RPRD1A: variants seen among roughly 807,000 people sequenced by gnomAD.
RPRD1A encodes the protein regulation of nuclear pre-mRNA domain-containing protein 1A.
In RPRD1A, 9 loss-of-function variants were observed where a neutral mutation model predicts 37.8. The ratio of observed to expected loss-of-function variants is 0.24; its 90% confidence interval spans 0.14 to 0.42. RPRD1A has a LOEUF of 0.42. Among genes scored for constraint, RPRD1A ranks in the 10% least tolerant of loss-of-function variants. The pLI, the probability that RPRD1A is intolerant of heterozygous loss-of-function variation, is 1.00. For synonymous variants in RPRD1A, 138 were observed against 139.7 expected (o/e 0.99, Z 0.08); for missense variants, 255 against 371.0 (o/e 0.69, Z 2.57).
intron 1 of RPRD1A, among the ~76,000 whole-genome samples, chr18:36,056,034 T>C (rs1242449135): frequency 6.6e-5 from 10 of 152,122 alleles, no homozygotes; most frequent in African/African-American, 2.4e-4. Context: ...TACTAGAATA[T>C]TTACTAACAA....
chr18:36,067,472 G>C lies in RPRD1A; in HGVS notation c.-68C>G. On this transcript the variant is annotated 5_prime_UTR_variant, in exon 1 of 7. Transcript: ENST00000399022. The stretch of plus-strand genomic sequence containing the variant: ...AGGGGAGGAGAGTTTCGCCGCCCTA[G>C]CTGCGGCCTCGCCCCCTCACCCCAC... 6.7e-7 allele frequency: 1 copy of C among 1,503,012 alleles called. No homozygotes were observed. The highest frequency in any genetic ancestry group is 1.2e-5 in the South Asian group (1 of 80,888). The allele number at this position is 1,503,012 out of a possible 1,614,324, so 93.1% of individuals were successfully genotyped here.
intron 1 of RPRD1A, among the ~76,000 whole-genome samples, chr18:36,054,672 G>C (rs762942190): frequency 1.3e-5 from 2 of 152,016 alleles, no homozygotes; most frequent in African/African-American, 2.4e-5. Context: ...CAAGTCCCAC[G>C]ATCTGCAGTT....
At chr18:36,005,359 A>T (rs904560073) in intron 6 of RPRD1A, among the ~76,000 whole-genome samples, 1 of 152,058 alleles carries the variant, frequency 6.6e-6, no homozygotes, top group African/African-American at 2.4e-5. Flanking sequence ...AAAAAAAGAA[A>T]ACATAATGAA....
In RPRD1A at chr18:36,047,763, C is replaced by A. The variant is rs1358402219; in HGVS notation, c.152-13926G>T. 2.0e-5 allele frequency among the ~76,000 whole-genome samples: 3 copies of A among 152,304 alleles called. No homozygotes were observed. The East Asian group carries it at 5.8e-4, about 29-fold the overall frequency. The stretch of plus-strand genomic sequence containing the variant: ...CTTCCTCAAATAATACAAGCTACCA[C>A]AACTCACTCAATATGAAACAGATAA... On this transcript the variant is annotated intron_variant, in intron 1 of 6. Coordinates refer to ENST00000399022, the MANE Select transcript of RPRD1A (RefSeq NM_018170.5).
At chr18:36,060,168 G>A (rs879303580) in intron 1 of RPRD1A, among the ~76,000 whole-genome samples, 5 of 151,978 alleles carry the variant, frequency 3.3e-5, no homozygotes, top group East Asian at 1.9e-4. Context: ...GTGGTGGCTC[G>A]CGCTTGTAAT....
At chr18:36,036,108 T>A (rs532977537) in intron 1 of RPRD1A, among the ~76,000 whole-genome samples, 1 of 152,158 alleles carries the variant, frequency 6.6e-6, no homozygotes. Context: ...TTTTTGTTTT[T>A]TTTGTTTGAG....
chr18:35,993,065 A>C lies in RPRD1A; in HGVS notation c.*86T>G. Reference sequence around the variant, plus strand: ...TTTTGTTAGTGTTTCTTTCTCAACAATATACAAAAATAACACTACAGGACT... The same window carrying C: ...TTTTGTTAGTGTTTCTTTCTCAACACTATACAAAAATAACACTACAGGACT... On this transcript the variant is annotated 3_prime_UTR_variant, in exon 7 of 7. Coordinates refer to ENST00000399022, the MANE Select transcript of RPRD1A (RefSeq NM_018170.5). 1 of 1,126,428 alleles carries C rather than the reference A, an allele frequency of 8.9e-7. No homozygotes were observed. Among genetic ancestry groups the C allele is most frequent in the Admixed American group, 2.8e-5 (1 of 35,300 alleles). The allele number at this position is 1,126,428 out of a possible 1,614,324, so 69.8% of individuals were successfully genotyped here.
intron 6 of RPRD1A, among the ~76,000 whole-genome samples, chr18:36,011,988 C>G (rs1159890066): frequency 6.6e-6 from 1 of 152,146 alleles, no homozygotes; most frequent in Admixed American, 6.5e-5. Flanking sequence ...ATAATTACAT[C>G]TTTTTGTCCA....
At chr18:36,020,311 G>A (rs80052171) in intron 6 of RPRD1A, among the ~76,000 whole-genome samples, 2,079 of 152,112 alleles carry the variant, frequency 0.014, 55 homozygotes, top group African/African-American at 0.047. Flanking sequence ...AAGAGTGTGC[G>A]CATCTAGGGA....
chr18:35,993,999 G>A (rs146718522), intron 6 of RPRD1A, among the ~76,000 whole-genome samples: 1 of 152,256 alleles, frequency 6.6e-6, no homozygotes, highest in East Asian at 1.9e-4. Context: ...CATGAGGAAG[G>A]TGGCTCCACA....
intron 6 of RPRD1A, among the ~76,000 whole-genome samples, chr18:36,021,331 TTTGGTATTTC>T (rs148446006): frequency 0.03 from 4,499 of 152,230 alleles, 213 homozygotes; most frequent in African/African-American, 0.1. Context: ...TCTGTCAAAT[TTTGGTATTTC>T]TTGTGCTATT....
At chr18:36,007,928 A>C (rs1412714798) in intron 6 of RPRD1A, among the ~76,000 whole-genome samples, 1 of 151,910 alleles carries the variant, frequency 6.6e-6, no homozygotes, top group Non-Finnish European at 1.5e-5. Context: ...ACAGAGTGAG[A>C]CTCCATCTCA....
rs116195091 is a variant in RPRD1A, at chr18:36,057,333, C to T, written c.151+9921G>A. On this transcript the variant is annotated intron_variant, in intron 1 of 6. Coordinates refer to ENST00000399022, the MANE Select transcript of RPRD1A (RefSeq NM_018170.5). ...ACACTAAACGTTTATCTAGCCCAGG[C>T]TCCATGGCTCATGCCTGTAATCCCA... Among the ~76,000 whole-genome samples, 1,478 of 151,612 alleles carry T rather than the reference C, an allele frequency of 9.7e-3. 25 individuals are homozygous for T. The highest frequency in any genetic ancestry group is 0.034 in the African/African-American group (1,403 of 41,316).
chr18:36,011,962 C>T (rs889578991), intron 6 of RPRD1A, among the ~76,000 whole-genome samples: 30 of 152,118 alleles, frequency 2.0e-4, no homozygotes, highest in Admixed American at 1.1e-3. Flanking sequence ...TTCTGAGTAG[C>T]GTAATTACAT....
chr18:36,014,066 C>A lies in RPRD1A; in HGVS notation c.789+12834G>T, dbSNP rs201580707. 9.2e-5 allele frequency among the ~76,000 whole-genome samples: 14 copies of A among 152,140 alleles called. No homozygotes were observed. The East Asian group carries it at 2.3e-3, about 25-fold the overall frequency. On this transcript the variant is annotated intron_variant, in intron 6 of 6. Coordinates refer to ENST00000399022, the MANE Select transcript of RPRD1A (RefSeq NM_018170.5). ...GTGTGAGTATATAAATATACACACACCTACATACACATACATATATAAAAG... is the reference window on the plus strand; with the variant it reads ...GTGTGAGTATATAAATATACACACAACTACATACACATACATATATAAAAG...
intron 6 of RPRD1A, among the ~76,000 whole-genome samples, chr18:36,010,272 A>G (rs1390937418): frequency 6.6e-6 from 1 of 151,988 alleles, no homozygotes; most frequent in Non-Finnish European, 1.5e-5. Context: ...AATTCAAGAC[A>G]GGCCTGGGCA....
chr18:36,066,731 C>T (rs1280923403), intron 1 of RPRD1A, among the ~76,000 whole-genome samples: 6 of 152,200 alleles, frequency 3.9e-5, no homozygotes, highest in Admixed American at 3.9e-4. Context: ...AAGAAACTTG[C>T]CCAATTGAGA....
rs559122148 is a variant in RPRD1A, at chr18:35,990,882, T to C, written c.*2269A>G. The C allele has an allele frequency of 1.1e-4, 16 of 152,314 alleles. No homozygotes were observed. The South Asian group carries it at 2.9e-3, about 28-fold the overall frequency. The allele number at this position is 152,314 out of a possible 1,614,324, so 9.4% of individuals were successfully genotyped here. A position where few individuals can be genotyped will look rare whatever the true frequency, so the allele number is the denominator to read the frequency against. The stretch of plus-strand genomic sequence containing the variant: ...AAGATGACTTCTAAATCAGACTGTA[T>C]TGTCTGTGTTCAGTTAATACGTTAA... On this transcript the variant is annotated 3_prime_UTR_variant, in exon 7 of 7. Transcript: ENST00000399022.
At position 35,993,283 on chromosome 18, in the gene RPRD1A, T is replaced by C. The variant is rs774069517; in HGVS notation, c.807A>G (p.Leu269=). The change falls in exon 7 of 7, where the codon CTA becomes CTG. Residue 269 remains leucine, a synonymous_variant. Coordinates refer to ENST00000399022, the MANE Select transcript of RPRD1A (RefSeq NM_018170.5). ...EHKLEEYKRK[L]ARVSLVRKEL... The stretch of plus-strand genomic sequence containing the variant: ...CTTTGCGCACCAGGGAAACTCTGGC[T>C]AGCTTGCGCTTGTACTCCTGTAACA... 2.5e-6 allele frequency: 4 copies of C among 1,614,214 alleles called. No individual in the cohort carries two copies. Among genetic ancestry groups the C allele is most frequent in the Non-Finnish European group, 3.4e-6 (4 of 1,180,024 alleles).
Sources: allele counts gnomAD v4.1 joint callset (sites outside exome capture counted in the v4.1 genomes callset), GRCh38; gene constraint gnomAD v4.1.1; transcripts MANE v1.5; gene names NCBI Gene and HGNC (gene_info 2026-07-23, HGNC 2026-07-21).